Variants in WDR33 observed in about 807,000 individuals in gnomAD.
WDR33 encodes WD repeat domain 33.
WDR33 carries 47 observed loss-of-function variants against 164.9 expected under a neutral mutation model. The observed-to-expected ratio is 0.29, with a 90% CI of 0.23 to 0.36. WDR33 has a LOEUF of 0.36. Ranked by LOEUF, WDR33 falls within the 10% of genes least tolerant of loss-of-function variation. The pLI, the probability that WDR33 is intolerant of heterozygous loss-of-function variation, is 1.00. For missense variants in WDR33, 1,137 were observed against 1,754.1 expected (o/e 0.65, Z 6.28); for synonymous variants, 505 against 589.0 (o/e 0.86, Z 2.06).
intron 1 of WDR33, among the ~76,000 whole-genome samples, chr2:127,779,600 T>C (rs545585740): frequency 1.3e-5 from 2 of 152,342 alleles, no homozygotes; most frequent in South Asian, 4.1e-4. Context: ...ATTTTCTTCC[T>C]AGGAATCTGT....
chr2:127,754,328 C>T (rs1052436910), intron 7 of WDR33, among the ~76,000 whole-genome samples: 2 of 152,160 alleles, frequency 1.3e-5, no homozygotes, highest in Non-Finnish European at 2.9e-5. Flanking sequence ...GAAATGCTTT[C>T]TATAACTTCC....
In WDR33 at chr2:127,719,171, T is replaced by C. The variant is rs1686364751; in HGVS notation, c.2760+94A>G. The C allele has an allele frequency of 1.5e-6, 2 of 1,303,988 alleles. No individual in the cohort carries two copies. Among genetic ancestry groups the C allele is most frequent in the Non-Finnish European group, 2.0e-6 (2 of 1,020,938 alleles). The allele number at this position is 1,303,988 out of a possible 1,614,324, so 80.8% of individuals were successfully genotyped here. A position where few individuals can be genotyped will look rare whatever the true frequency, so the allele number is the denominator to read the frequency against. ...TGTCACTACTTGATAAGTATTTATA[T>C]CCAGCTGTGACCATTTTCCACAATA... On this transcript the variant is annotated intron_variant, in intron 16 of 21. Transcript: ENST00000322313. This position sits in a 1 kb window ranked among gnomAD's most constrained non-coding sequence, Gnocchi z 6.5.
rs1686208549 is a variant in WDR33 at position 127,712,583 on chromosome 2, GA to G, written c.3308+999del. On this transcript the variant is annotated intron_variant, in intron 18 of 21. Coordinates refer to ENST00000322313, the MANE Select transcript of WDR33 (RefSeq NM_018383.5). The surrounding 1 kb of genome is among the most constrained non-coding windows in gnomAD (Gnocchi z 4.0). ...TCTGTCTGAATCAGCATAAGATGCT[GA>G]CAGTCGCACCTATCTCACAAATTCT... Among the ~76,000 whole-genome samples, 1 of 152,200 alleles carries G rather than the reference GA, an allele frequency of 6.6e-6. No homozygotes were observed. The highest frequency in any genetic ancestry group is 1.5e-5 in the Non-Finnish European group (1 of 68,040).
intron 7 of WDR33, among the ~76,000 whole-genome samples, chr2:127,743,394 C>T (rs1389563110): frequency 6.6e-6 from 1 of 152,138 alleles, no homozygotes; most frequent in East Asian, 1.9e-4. Flanking sequence ...TTGATCTTGA[C>T]ACTGTCCAAG....
intron 7 of WDR33, among the ~76,000 whole-genome samples, chr2:127,733,716 AC>A (rs1174603008): frequency 6.6e-6 from 1 of 151,032 alleles, no homozygotes; most frequent in East Asian, 1.9e-4. Context: ...AAAACAAAAA[AC>A]AAAAAACAAA....
Position 127,723,419 on chromosome 2 carries a change from G to A in WDR33, c.1197-72C>T. On this transcript the variant is annotated intron_variant, in intron 11 of 21. Transcript: ENST00000322313. This position sits in a 1 kb window ranked among gnomAD's most constrained non-coding sequence, Gnocchi z 5.9. ...TTTGGGCACTAAACAGTACTAGGCA[G>A]ACCCTTGGTAAACACAACACATTTT... 1 of 1,177,186 alleles carries A rather than the reference G, an allele frequency of 8.5e-7. No homozygotes were observed. Among genetic ancestry groups the A allele is most frequent in the South Asian group, 1.3e-5 (1 of 75,348 alleles). The allele number at this position is 1,177,186 out of a possible 1,614,324, so 72.9% of individuals were successfully genotyped here.
Position 127,701,595 on chromosome 2 carries a change from G to C in WDR33, c.*4728C>G. 1 of 1,353,546 alleles carries C rather than the reference G, an allele frequency of 7.4e-7. No individual in the cohort carries two copies. Among genetic ancestry groups the C allele is most frequent in the Non-Finnish European group, 9.5e-7 (1 of 1,053,998 alleles). 83.8% of individuals were successfully genotyped at this position (1,353,546 alleles called of 1,614,324 possible). On this transcript the variant is annotated 3_prime_UTR_variant, in exon 22 of 22. Coordinates refer to ENST00000322313, the MANE Select transcript of WDR33 (RefSeq NM_018383.5). ...GGGGAAAGCTGGCGGCCCGGCGGCC[G>C]CGGAGCCGCTGCTCGCCGCGGAGAA...
Position 127,749,423 on chromosome 2 carries a change from A to G in WDR33, c.724+13639T>C, listed in dbSNP as rs1419264441. ...GTGTCTGTAATCCCAGCACTTTGGGAGGCTGAGGCAGGTGGATCACCCGAG... is the reference window on the plus strand; with the variant it reads ...GTGTCTGTAATCCCAGCACTTTGGGGGGCTGAGGCAGGTGGATCACCCGAG... On this transcript the variant is annotated intron_variant, in intron 7 of 21. Transcript: ENST00000322313. Among the ~76,000 whole-genome samples, 3 of 152,252 alleles carry G rather than the reference A, an allele frequency of 2.0e-5. No individual in the cohort carries two copies. The East Asian group carries it at 5.8e-4, about 29-fold the overall frequency.
chr2:127,729,089 A>C (rs1032661710), intron 7 of WDR33, among the ~76,000 whole-genome samples: 4 of 152,256 alleles, frequency 2.6e-5, no homozygotes, highest in Non-Finnish European at 4.4e-5. Flanking sequence ...ATATAAATCA[A>C]ACTGATTGGT....
In WDR33 at chr2:127,721,548, G is replaced by A. The variant is rs1429918946; in HGVS notation, c.1671+288C>T. On this transcript the variant is annotated intron_variant, in intron 15 of 21. Transcript: ENST00000322313. This position sits in a 1 kb window ranked among gnomAD's most constrained non-coding sequence, Gnocchi z 4.9. The stretch of plus-strand genomic sequence containing the variant: ...AGATCACTTGAGCCTGGGAGGCAGA[G>A]GTTGTAGCAAGCCGTGATCGCACCA... Among the ~76,000 whole-genome samples the A allele has an allele frequency of 6.6e-6, 1 of 152,196 alleles. No individual in the cohort carries two copies.
Position 127,721,313 on chromosome 2 carries a change from G to T in WDR33, c.1671+523C>A, listed in dbSNP as rs564125814. On this transcript the variant is annotated intron_variant, in intron 15 of 21. Coordinates refer to ENST00000322313, the MANE Select transcript of WDR33 (RefSeq NM_018383.5). The surrounding 1 kb of genome is among the most constrained non-coding windows in gnomAD (Gnocchi z 4.9). ...AGTAGAGGTGGGGTTTCACCATGTT[G>T]ACCATGCTGGTCTCAAACTCCTGAT... Among the ~76,000 whole-genome samples the T allele has an allele frequency of 1.3e-5, 2 of 151,976 alleles. No homozygotes were observed. Among genetic ancestry groups the T allele is most frequent in the Non-Finnish European group, 2.9e-5 (2 of 67,986 alleles).
chr2:127,701,968 TGC>T lies in WDR33; in HGVS notation c.*4353_*4354del. ...GAAGAAGCGCCGTCCCGGCCCGCGC[TGC>T]TCTACATGGCAGCGCTGGGCGCCAC... On this transcript the variant is annotated 3_prime_UTR_variant, in exon 22 of 22. Coordinates refer to ENST00000322313, the MANE Select transcript of WDR33 (RefSeq NM_018383.5). 7.2e-7 allele frequency: 1 copy of T among 1,386,136 alleles called. No homozygotes were observed. The highest frequency in any genetic ancestry group is 9.3e-7 in the Non-Finnish European group (1 of 1,076,336). 85.9% of individuals were successfully genotyped at this position (1,386,136 alleles called of 1,614,324 possible).
intron 18 of WDR33, among the ~76,000 whole-genome samples, chr2:127,711,591 G>C (rs996523307): frequency 6.7e-6 from 1 of 149,982 alleles, no homozygotes; most frequent in Non-Finnish European, 1.5e-5. Flanking sequence ...AAAACACTGG[G>C]AGCCCTTACG....
In WDR33 at chr2:127,708,640, G is replaced by A. The variant is rs774282921; in HGVS notation, c.3781+37C>T. On this transcript the variant is annotated intron_variant, in intron 21 of 21. Coordinates refer to ENST00000322313, the MANE Select transcript of WDR33 (RefSeq NM_018383.5). The surrounding 1 kb of genome is among the most constrained non-coding windows in gnomAD (Gnocchi z 6.7). Reference sequence around the variant, plus strand: ...ACAGGCAAGGCCTCCATCGGCCCCTGCATCTCCTGGAACCATAACCACTGG... The same window carrying A: ...ACAGGCAAGGCCTCCATCGGCCCCTACATCTCCTGGAACCATAACCACTGG... The A allele has an allele frequency of 3.9e-6, 6 of 1,535,634 alleles. 1 individual carries two copies. The South Asian group carries it at 5.0e-5, about 13-fold the overall frequency.
intron 1 of WDR33, among the ~76,000 whole-genome samples, chr2:127,778,005 A>C (rs909443386): frequency 1.3e-5 from 2 of 152,234 alleles, no homozygotes; most frequent in Non-Finnish European, 2.9e-5. Context: ...GATAAAAGTT[A>C]AAAATGAGCC....
Position 127,704,600 on chromosome 2 carries a change from A to C in WDR33, c.*1723T>G, listed in dbSNP as rs1271111514. ...TTTATGGTGGAGCGCTGATTAAATA[A>C]GCTGTAATTTCAAAGTTAAAAAAAA... On this transcript the variant is annotated 3_prime_UTR_variant, in exon 22 of 22. Transcript: ENST00000322313. 1 of 167,064 alleles carries C rather than the reference A, an allele frequency of 6.0e-6. No individual in the cohort carries two copies. Among genetic ancestry groups the C allele is most frequent in the East Asian group, 1.9e-4 (1 of 5,202 alleles). 10.3% of individuals were successfully genotyped at this position (167,064 alleles called of 1,614,324 possible).
intron 7 of WDR33, among the ~76,000 whole-genome samples, chr2:127,753,263 A>G (rs532864860): frequency 6.6e-6 from 1 of 152,342 alleles, no homozygotes; most frequent in East Asian, 1.9e-4. Context: ...TTCTAAGTTC[A>G]TATCTGTTGA....
At chr2:127,751,206 C>A (rs546829753) in intron 7 of WDR33, among the ~76,000 whole-genome samples, 90 of 151,770 alleles carry the variant, frequency 5.9e-4, no homozygotes, top group African/African-American at 2.1e-3. Flanking sequence ...ACTAAAAATA[C>A]AAAAGTTAGC....
rs1201734181 is a variant in WDR33, at chr2:127,769,077, T to C, written c.205-76A>G. ...ACTATATGGTCTGATTATACTCAATTTGAAATTAACAAAATGTAAGCTATA... is the reference window on the plus strand; with the variant it reads ...ACTATATGGTCTGATTATACTCAATCTGAAATTAACAAAATGTAAGCTATA... On this transcript the variant is annotated intron_variant, in intron 2 of 21. Transcript: ENST00000322313. 3 of 873,716 alleles carry C rather than the reference T, an allele frequency of 3.4e-6. No homozygotes were observed. In the Admixed American group the frequency reaches 1.2e-4, roughly 36 times the overall value. 54.1% of individuals were successfully genotyped at this position (873,716 alleles called of 1,614,324 possible). A position where few individuals can be genotyped will look rare whatever the true frequency, so the allele number is the denominator to read the frequency against.
Sources: allele counts gnomAD v4.1 joint callset (sites outside exome capture counted in the v4.1 genomes callset), GRCh38; gene constraint gnomAD v4.1.1; non-coding constraint Gnocchi (gnomAD v3.1); transcripts MANE v1.5; gene names NCBI Gene and HGNC (gene_info 2026-07-23, HGNC 2026-07-21).